EYS: variants seen among roughly 807,000 people sequenced by gnomAD.
EYS encodes the protein EGF-like photoreceptor maintenance factor, also known as protein eyes shut homolog.
A neutral mutation model predicts 282.1 loss-of-function variants in EYS; 250 were observed. The observed-to-expected ratio is 0.89, with a 90% confidence interval of 0.80 to 0.98. The LOEUF (loss-of-function observed/expected upper bound fraction) is 0.98. Among genes scored for constraint, EYS ranks in the 50% least tolerant of loss-of-function variants. EYS has a pLI of 0.00. For missense variants in EYS, 4,016 were observed against 3,709.0 expected, an observed-to-expected ratio of 1.08 and a Z score of -2.15; for synonymous variants, 1,355 against 1,282.9, an observed-to-expected ratio of 1.06 and a Z score of -1.20.
chr6:65,568,285 C>T (rs1490300617), intron 2 of EYS, among the ~76,000 whole-genome samples: 1 of 144,226 alleles, frequency 6.9e-6, no homozygotes, highest in Admixed American at 7.4e-5. Context: ...TCTGAGCTCC[C>T]ACTTTCTTTT....
rs565336965 is a variant in EYS at position 64,623,474 on chromosome 6, T to C, written c.3568+2647A>G. On this transcript the variant is annotated intron_variant, in intron 23 of 42. Coordinates refer to ENST00000503581, the MANE Select transcript of EYS (RefSeq NM_001142800.2). ...ATGAGATGCCCTTTTCTCGATGCTATGAAAACTTAATTAGTTAATACATCT... is the reference window on the plus strand; with the variant it reads ...ATGAGATGCCCTTTTCTCGATGCTACGAAAACTTAATTAGTTAATACATCT... Among the ~76,000 whole-genome samples the C allele has an allele frequency of 1.8e-3, 280 of 152,266 alleles. 2 individuals are homozygous for C. The highest frequency in any genetic ancestry group is 6.5e-3 in the African/African-American group (271 of 41,570).
chr6:65,704,289 T>C (rs1220625211), intron 1 of EYS, among the ~76,000 whole-genome samples: 1 of 152,214 alleles, frequency 6.6e-6, no homozygotes, highest in Non-Finnish European at 1.5e-5. Flanking sequence ...ATGTGTACTA[T>C]TGTCTCCATT....
chr6:64,283,164 G>A (rs1289995895), intron 30 of EYS, among the ~76,000 whole-genome samples: 1 of 151,894 alleles, frequency 6.6e-6, no homozygotes, highest in Admixed American at 6.6e-5. Context: ...TGGTTTCTTT[G>A]CCTGAAATAT....
At chr6:64,819,020 C>G (rs1047587545) in intron 21 of EYS, among the ~76,000 whole-genome samples, 1 of 152,102 alleles carries the variant, frequency 6.6e-6, no homozygotes, top group Admixed American at 6.6e-5. Context: ...AACACCTTGC[C>G]CTATATTGAC....
chr6:64,211,932 A>G (rs983288420), intron 31 of EYS, among the ~76,000 whole-genome samples: 2 of 151,780 alleles, frequency 1.3e-5, no homozygotes, highest in South Asian at 4.1e-4. Flanking sequence ...CTTGGCCAAC[A>G]TGGTAAAAAC....
intron 1 of EYS, among the ~76,000 whole-genome samples, chr6:65,706,015 T>C (rs1442492234): frequency 6.6e-6 from 1 of 151,780 alleles, no homozygotes; most frequent in Non-Finnish European, 1.5e-5. Context: ...ATAATATAAA[T>C]ATAGTATGAA....
chr6:65,243,348 A>G (rs1348551717), intron 12 of EYS, among the ~76,000 whole-genome samples: 2 of 152,212 alleles, frequency 1.3e-5, no homozygotes, highest in Admixed American at 1.3e-4. Flanking sequence ...CTATCACAGC[A>G]GCAGAGATCA....
intron 31 of EYS, among the ~76,000 whole-genome samples, chr6:64,137,502 A>G (rs986824634): frequency 6.6e-6 from 1 of 152,114 alleles, no homozygotes; most frequent in Non-Finnish European, 1.5e-5. Context: ...AAAGTGAGAG[A>G]TGTGTGACTC....
intron 31 of EYS, among the ~76,000 whole-genome samples, chr6:64,196,496 A>T (rs1420915851): frequency 6.6e-6 from 1 of 152,126 alleles, no homozygotes; most frequent in East Asian, 1.9e-4. Flanking sequence ...AACCAACCCA[A>T]ATGTCCAACA....
In EYS at chr6:65,496,013, A is replaced by T. The variant is rs1766243571; in HGVS notation, c.-332-20T>A. On this transcript the variant is annotated intron_variant, in intron 2 of 42. Coordinates refer to ENST00000503581, the MANE Select transcript of EYS (RefSeq NM_001142800.2). Reference sequence around the variant, plus strand: ...AAACACCTTTAAAACGTAGAAGAGTAAACACCATTTAAACATATTTTTCAT... The same window carrying T: ...AAACACCTTTAAAACGTAGAAGAGTTAACACCATTTAAACATATTTTTCAT... 1 of 152,750 alleles carries T rather than the reference A, an allele frequency of 6.5e-6. No homozygotes were observed. The highest frequency in any genetic ancestry group is 6.5e-5 in the Admixed American group (1 of 15,336). The allele number at this position is 152,750 out of a possible 1,614,324, so 9.5% of individuals were successfully genotyped here. A position where few individuals can be genotyped will look rare whatever the true frequency, so the allele number is the denominator to read the frequency against.
intron 19 of EYS, among the ~76,000 whole-genome samples, chr6:64,832,059 A>T (rs1354752355): frequency 6.6e-6 from 1 of 151,864 alleles, no homozygotes; most frequent in Non-Finnish European, 1.5e-5. Context: ...ATATTAGACA[A>T]TAGAAGTAAC....
At chr6:64,344,085 A>T (rs964784997) in intron 29 of EYS, among the ~76,000 whole-genome samples, 6 of 152,088 alleles carry the variant, frequency 3.9e-5, no homozygotes, top group African/African-American at 9.7e-5. Flanking sequence ...ACCAAAAAAA[A>T]GTCCAGGACA....
chr6:65,101,257 T>G (rs1452645598), intron 12 of EYS, among the ~76,000 whole-genome samples: 5 of 151,132 alleles, frequency 3.3e-5, no homozygotes, highest in African/African-American at 1.2e-4. Flanking sequence ...ATTGAAAACA[T>G]TTGAAGTTTT....
chr6:65,018,131 A>G (rs1372592371), intron 13 of EYS, among the ~76,000 whole-genome samples: 1 of 152,230 alleles, frequency 6.6e-6, no homozygotes, highest in Non-Finnish European at 1.5e-5. Flanking sequence ...AACACACTGC[A>G]TTCTCACAGA....
chr6:64,706,906 A>C (rs1771037315), intron 22 of EYS, among the ~76,000 whole-genome samples: 1 of 152,192 alleles, frequency 6.6e-6, no homozygotes, highest in African/African-American at 2.4e-5. Flanking sequence ...AACAATGTGG[A>C]AATTCCTTAA....
intron 12 of EYS, among the ~76,000 whole-genome samples, chr6:65,147,319 A>G (rs1208165127): frequency 6.6e-6 from 1 of 152,060 alleles, no homozygotes; most frequent in Non-Finnish European, 1.5e-5. Flanking sequence ...ATAAATATTA[A>G]CATAAATAAA....
chr6:65,169,064 A>G (rs1188936197), intron 12 of EYS, among the ~76,000 whole-genome samples: 1 of 151,466 alleles, frequency 6.6e-6, no homozygotes, highest in Admixed American at 6.6e-5. Flanking sequence ...ATTCCTGAAC[A>G]TTTACTTTAT....
intron 12 of EYS, among the ~76,000 whole-genome samples, chr6:65,068,442 T>C (rs1214702712): frequency 1.3e-5 from 2 of 152,106 alleles, no homozygotes; most frequent in Non-Finnish European, 2.9e-5. Context: ...ACTTTTACTT[T>C]GACCTTCAGG....
intron 2 of EYS, among the ~76,000 whole-genome samples, chr6:65,611,746 T>C (rs1331625479): frequency 6.6e-6 from 1 of 152,026 alleles, no homozygotes; most frequent in Non-Finnish European, 1.5e-5. Flanking sequence ...CAATTTCCCA[T>C]AGAGCTTTAA....
Sources: gnomAD v4.1 joint callset for allele counts (sites outside exome capture counted in the v4.1 genomes callset) on GRCh38, gnomAD v4.1.1 for gene constraint, MANE v1.5 for transcripts, NCBI Gene and HGNC (gene_info 2026-07-23, HGNC 2026-07-21) for gene names.